Variants in CD44 observed in about 807,000 individuals in gnomAD.
CD44 encodes CD44 molecule (IN blood group).
Under a neutral mutation model 88.8 loss-of-function variants are expected in CD44, and 49 were observed. The observed-to-expected ratio is 0.55, with a 90% CI of 0.44 to 0.70. CD44 has a LOEUF of 0.70. Among genes scored for constraint, CD44 ranks in the 30% least tolerant of loss-of-function variants. The pLI is 0.00. For synonymous variants in CD44, 325 were observed against 312.3 expected (o/e 1.04, Z -0.43); for missense variants, 883 against 913.8 (o/e 0.97, Z 0.43).
At chr11:35,195,029 A>G (rs1397024578) in intron 5 of CD44, among the ~76,000 whole-genome samples, 2 of 152,192 alleles carry the variant, frequency 1.3e-5, no homozygotes, top group African/African-American at 2.4e-5. Flanking sequence ...TCTCAACTGT[A>G]AAGTGTAGGA....
intron 5 of CD44, among the ~76,000 whole-genome samples, chr11:35,196,233 T>C (rs1303634438): frequency 6.6e-6 from 1 of 152,234 alleles, no homozygotes; most frequent in Non-Finnish European, 1.5e-5. Context: ...GGAAACATAA[T>C]ACTTTATGAA....
intron 1 of CD44, among the ~76,000 whole-genome samples, chr11:35,163,619 A>G (rs532509209): frequency 1.3e-5 from 2 of 152,282 alleles, no homozygotes; most frequent in East Asian, 3.9e-4. Flanking sequence ...TTTAGGCTCA[A>G]GCCTCTTAAA....
rs80126447 is a variant in CD44, at chr11:35,224,927, G to C, written c.2024+3195G>C. Among the ~76,000 whole-genome samples, 587 of 152,202 alleles carry C rather than the reference G, an allele frequency of 3.9e-3. 1 individual carries two copies. The highest frequency in any genetic ancestry group is 0.014 in the African/African-American group (565 of 41,530). ...ACTCCAATCAGTAGGTCTTCTCTAC[G>C]CATCGCCATAATTTAGAAATATTTT... is the stretch of plus-strand genomic sequence containing the variant. On this transcript the variant is annotated intron_variant, in intron 17 of 17. Coordinates refer to ENST00000428726, the MANE Select transcript of CD44 (RefSeq NM_000610.4).
At chr11:35,186,713 A>C in intron 3 of CD44, 119 bp from the exon 4 acceptor site, 1 of 610,314 alleles carries the variant, frequency 1.6e-6, no homozygotes, top group South Asian at 2.2e-5. Flanking sequence ...GAGTTTCGGA[A>C]AAAGAAAGTT....
chr11:35,203,489 A>T (rs1413216795), intron 9 of CD44, among the ~76,000 whole-genome samples: 3 of 152,138 alleles, frequency 2.0e-5, no homozygotes, highest in African/African-American at 7.2e-5. Flanking sequence ...AAAACTTAAG[A>T]TTTTGGCTTT....
At chr11:35,220,018 T>G (rs145014949) in intron 16 of CD44, among the ~76,000 whole-genome samples, 1 of 152,232 alleles carries the variant, frequency 6.6e-6, no homozygotes. Context: ...GAATTAAAAT[T>G]GATTTGTCAT....
chr11:35,204,132 C>T (rs559811091), intron 9 of CD44, among the ~76,000 whole-genome samples: 14 of 152,212 alleles, frequency 9.2e-5, no homozygotes, highest in African/African-American at 3.1e-4. Context: ...GTTTTCCTTT[C>T]GTCAAAATGA....
At chr11:35,151,179 G>T (rs1026789287) in intron 1 of CD44, among the ~76,000 whole-genome samples, 1 of 152,130 alleles carries the variant, frequency 6.6e-6, no homozygotes, top group East Asian at 1.9e-4. Flanking sequence ...TTAAAGTGGG[G>T]GAATAAGAAT....
At chr11:35,199,033 G>T (rs944789945) in intron 7 of CD44, among the ~76,000 whole-genome samples, 4 of 151,554 alleles carry the variant, frequency 2.6e-5, no homozygotes, top group African/African-American at 9.7e-5. Context: ...AATGATGGGA[G>T]CTAGAACTCA....
chr11:35,146,459 C>A (rs1859202057), intron 1 of CD44, among the ~76,000 whole-genome samples: 6 of 152,136 alleles, frequency 3.9e-5, no homozygotes, highest in Admixed American at 3.3e-4. Context: ...TTCTGAGAAC[C>A]CTCACCACTA....
At chr11:35,149,626 T>C (rs1859920678) in intron 1 of CD44, among the ~76,000 whole-genome samples, 1 of 152,188 alleles carries the variant, frequency 6.6e-6, no homozygotes, top group South Asian at 2.1e-4. Flanking sequence ...TTTCCATGTG[T>C]AAAATGCGAG....
At chr11:35,188,406 A>G (rs944164267) in intron 4 of CD44, among the ~76,000 whole-genome samples, 5 of 152,236 alleles carry the variant, frequency 3.3e-5, no homozygotes, top group African/African-American at 1.2e-4. Context: ...TCTCATTCAT[A>G]TAATGGAACA....
intron 15 of CD44, among the ~76,000 whole-genome samples, chr11:35,217,564 G>A (rs1367417585): frequency 6.6e-6 from 1 of 152,150 alleles, no homozygotes; most frequent in East Asian, 1.9e-4. Context: ...ATAGGATAGG[G>A]GATGTTGAAA....
chr11:35,142,300 G>A (rs1160334574), intron 1 of CD44, among the ~76,000 whole-genome samples: 2 of 152,192 alleles, frequency 1.3e-5, no homozygotes, highest in East Asian at 3.9e-4. Flanking sequence ...TCCCATTACT[G>A]GGTATATACC....
At chr11:35,169,677 C>T (rs1372151216) in intron 1 of CD44, among the ~76,000 whole-genome samples, 1 of 152,152 alleles carries the variant, frequency 6.6e-6, no homozygotes, top group Non-Finnish European at 1.5e-5. Context: ...TGGGGTGGAC[C>T]AAGAAGCTAT....
In CD44 at chr11:35,195,515, G is replaced by A. The variant is rs147033240; in HGVS notation, c.668-1231G>A. Among the ~76,000 whole-genome samples, 365 of 152,066 alleles carry A rather than the reference G, an allele frequency of 2.4e-3. 2 individuals carry two copies. The highest frequency in any genetic ancestry group is 8.6e-3 in the African/African-American group (357 of 41,490). On this transcript the variant is annotated intron_variant, in intron 5 of 17. Transcript: ENST00000428726. ...ATAGGACAAAGAATGTGAAGGAAAA[G>A]GTCTTTTTGGCAGTGTTTCATCTTC...
At chr11:35,204,686 G>A (rs751232200) in intron 10 of CD44, 46 bp downstream of exon 10, 1 of 1,574,144 alleles carries the variant, frequency 6.4e-7, no homozygotes, top group African/African-American at 1.4e-5. Flanking sequence ...ACTTCCTTTT[G>A]GGTTAAACGG....
rs60509735 is a variant in CD44, at chr11:35,199,934, GTTTTTTTTT to G, written c.923-1129_923-1121del. ...TCAGGGAAAAATTTCCCATGGTGTT[GTTTTTTTTT>G]TTTTTTTTTTTTTTTTTTAATTTTT... On this transcript the variant is annotated intron_variant, in intron 7 of 17. Transcript: ENST00000428726. Among the ~76,000 whole-genome samples, 610 of 90,882 alleles carry G rather than the reference GTTTTTTTTT, an allele frequency of 6.7e-3. 3 individuals carry two copies. Among genetic ancestry groups the G allele is most frequent in the African/African-American group, 0.026 (591 of 22,696 alleles). The allele number at this position is 90,882 out of a possible 152,430, so 59.6% of individuals were successfully genotyped here. A position where few individuals can be genotyped will look rare whatever the true frequency, so the allele number is the denominator to read the frequency against.
At chr11:35,188,082 C>T (rs534216776) in intron 4 of CD44, among the ~76,000 whole-genome samples, 1 of 152,280 alleles carries the variant, frequency 6.6e-6, no homozygotes, top group East Asian at 1.9e-4. Flanking sequence ...ATCTTACGGC[C>T]TCTGAGCTTC....
Sources: gnomAD v4.1 joint callset for allele counts (sites outside exome capture counted in the v4.1 genomes callset) on GRCh38, gnomAD v4.1.1 for gene constraint, MANE v1.5 for transcripts, NCBI Gene and HGNC (gene_info 2026-07-23, HGNC 2026-07-21) for gene names.